ZNF407: variants seen among roughly 807,000 people sequenced by gnomAD.
ZNF407 encodes zinc finger protein 407.
A neutral mutation model predicts 131.2 loss-of-function variants in ZNF407; 17 were observed. That is an observed-to-expected ratio of 0.13 (90% CI 0.09 to 0.19). The LOEUF is 0.19. ZNF407 is among the 10% of genes least tolerant of loss of function. The probability of loss-of-function intolerance (pLI) is 1.00; values close to 1 mark genes in which losing one functional copy is unlikely to be tolerated. For synonymous variants in ZNF407, 1,156 were observed against 1,062.0 expected (o/e 1.09, Z -1.72); for missense variants, 2,681 against 2,830.6 (o/e 0.95, Z 1.20).
At chr18:74,667,645 C>T (rs949936136) in intron 3 of ZNF407, among the ~76,000 whole-genome samples, 1 of 152,164 alleles carries the variant, frequency 6.6e-6, no homozygotes, top group Non-Finnish European at 1.5e-5. Flanking sequence ...GCTTGTAGCT[C>T]ATTGAGGCCG....
At chr18:74,948,341 C>T (rs1972177545) in intron 8 of ZNF407, among the ~76,000 whole-genome samples, 1 of 152,174 alleles carries the variant, frequency 6.6e-6, no homozygotes, top group Non-Finnish European at 1.5e-5. Context: ...TGACATTCAC[C>T]TGAGCTTAGT....
chr18:75,026,827 G>A (rs149069910), intron 8 of ZNF407, among the ~76,000 whole-genome samples: 3 of 152,276 alleles, frequency 2.0e-5, no homozygotes, highest in Non-Finnish European at 4.4e-5. Flanking sequence ...AGAACCTCGT[G>A]CCCTCAGCCC....
At chr18:74,968,032 AT>A (rs1430764044) in intron 8 of ZNF407, among the ~76,000 whole-genome samples, 1 of 152,034 alleles carries the variant, frequency 6.6e-6, no homozygotes, top group Non-Finnish European at 1.5e-5. Flanking sequence ...CTACACTTAA[AT>A]TATCTAGGGG....
At chr18:75,013,957 T>G (rs1048864223) in intron 8 of ZNF407, among the ~76,000 whole-genome samples, 1 of 152,142 alleles carries the variant, frequency 6.6e-6, no homozygotes, top group Non-Finnish European at 1.5e-5. Flanking sequence ...ATTCACTACA[T>G]TTCTGTCACC....
intron 1 of ZNF407, among the ~76,000 whole-genome samples, chr18:74,605,732 T>G (rs1005709483): frequency 3.9e-5 from 6 of 152,202 alleles, no homozygotes; most frequent in African/African-American, 1.4e-4. Flanking sequence ...AAACCACATT[T>G]TTTTAAACTT....
In ZNF407 at chr18:74,634,878, C is replaced by G; in HGVS notation, c.3859C>G (p.Arg1287Gly). 1.2e-6 allele frequency: 2 copies of G among 1,613,398 alleles called. No homozygotes were observed. Among genetic ancestry groups the G allele is most frequent in the Non-Finnish European group, 1.7e-6 (2 of 1,179,602 alleles). Residue 1287 changes from arginine to glycine, a missense_variant, in exon 2 of 9, where the codon CGT becomes GGT. This residue lies in a region of ZNF407 where 1,789 missense variants were observed against 1,748.7 expected (regional missense o/e 1.02). Coordinates refer to ENST00000299687, the MANE Select transcript of ZNF407 (RefSeq NM_017757.3). ...LESGGQNRVA[R>G]GHGLEDLKGV... is the part of the protein sequence containing the mutation. ...GAGCGGGGGTCAGAACAGAGTTGCA[C>G]GTGGGCATGGTTTGGAAGACTTGAA... is the stretch of plus-strand genomic sequence containing the variant.
chr18:74,857,967 C>A (rs1204170606), intron 4 of ZNF407, among the ~76,000 whole-genome samples: 1 of 132,718 alleles, frequency 7.5e-6, no homozygotes. Context: ...CTTCCTGACT[C>A]CCTTTGCTTC....
At position 74,909,478 on chromosome 18, in the gene ZNF407, C is replaced by A. The variant is rs556009055; in HGVS notation, c.5250-11036C>A. Among the ~76,000 whole-genome samples the A allele has an allele frequency of 1.1e-3, 168 of 152,152 alleles. 1 individual carries two copies. The highest frequency in any genetic ancestry group is 3.7e-3 in the African/African-American group (153 of 41,546). On this transcript the variant is annotated intron_variant, in intron 7 of 8. Transcript: ENST00000299687. ...TTCTGTAGTCAAAAAATTTGAGAAG[C>A]AAAATGTTAAGCAAAACTAAGCGTA...
intron 1 of ZNF407, among the ~76,000 whole-genome samples, chr18:74,621,728 G>A (rs900171841): frequency 3.9e-5 from 6 of 152,178 alleles, no homozygotes; most frequent in Non-Finnish European, 7.3e-5. Context: ...AAACAGCTCC[G>A]TACTCAAGAG....
chr18:74,645,731 C>T (rs114573277), intron 3 of ZNF407, among the ~76,000 whole-genome samples: 22 of 151,730 alleles, frequency 1.4e-4, no homozygotes, highest in African/African-American at 5.3e-4. Flanking sequence ...ATTATAATGT[C>T]ACTTTCTGAC....
At chr18:74,928,616 A>G (rs991862335) in intron 8 of ZNF407, among the ~76,000 whole-genome samples, 7 of 152,226 alleles carry the variant, frequency 4.6e-5, no homozygotes, top group East Asian at 1.9e-4. Flanking sequence ...AAGACCTGCT[A>G]TCTGTCATGT....
intron 4 of ZNF407, among the ~76,000 whole-genome samples, chr18:74,859,178 G>C (rs527334031): frequency 1.3e-5 from 2 of 152,128 alleles, no homozygotes; most frequent in Non-Finnish European, 2.9e-5. Context: ...GTCTGGGTAC[G>C]CATGTTGAAA....
At chr18:74,717,010 A>G (rs1264605289) in intron 3 of ZNF407, among the ~76,000 whole-genome samples, 2 of 152,202 alleles carry the variant, frequency 1.3e-5, no homozygotes, top group African/African-American at 4.8e-5. Context: ...AGTGTGGTAT[A>G]GTATGTGTTG....
chr18:74,836,314 AC>A (rs1970559203), intron 4 of ZNF407, among the ~76,000 whole-genome samples: 1 of 151,996 alleles, frequency 6.6e-6, no homozygotes, highest in East Asian at 1.9e-4. Flanking sequence ...TATAACAGTT[AC>A]CTTTATTTAC....
At chr18:75,051,441 T>G (rs769243370) in intron 8 of ZNF407, among the ~76,000 whole-genome samples, 97 of 152,338 alleles carry the variant, frequency 6.4e-4, no homozygotes, top group Non-Finnish European at 1.2e-3. Context: ...ATTATAGTAC[T>G]AAGTGAAATA....
At chr18:74,817,333 A>G (rs763694349) in intron 4 of ZNF407, among the ~76,000 whole-genome samples, 18 of 152,342 alleles carry the variant, frequency 1.2e-4, no homozygotes, top group Non-Finnish European at 2.6e-4. Flanking sequence ...AATACAAAAC[A>G]TAATTACAAT....
chr18:74,787,521 G>A (rs754994901), intron 4 of ZNF407, among the ~76,000 whole-genome samples: 1 of 152,170 alleles, frequency 6.6e-6, no homozygotes, highest in Non-Finnish European at 1.5e-5. Flanking sequence ...GCTCCTCTGC[G>A]GGGTGGAGAG....
At chr18:75,010,000 T>C (rs1052725577) in intron 8 of ZNF407, among the ~76,000 whole-genome samples, 1 of 152,190 alleles carries the variant, frequency 6.6e-6, no homozygotes, top group African/African-American at 2.4e-5. Context: ...ATATCTTGGA[T>C]TGGAAAGGGT....
intron 4 of ZNF407, among the ~76,000 whole-genome samples, chr18:74,817,146 T>A (rs1970278423): frequency 6.6e-6 from 1 of 152,168 alleles, no homozygotes; most frequent in Non-Finnish European, 1.5e-5. Context: ...ACAGCTCAAG[T>A]AGGGATATCA....
Sources: allele counts gnomAD v4.1 joint callset (sites outside exome capture counted in the v4.1 genomes callset), GRCh38; gene constraint gnomAD v4.1.1; regional missense constraint gnomAD v4.1.1; transcripts MANE v1.5; gene names NCBI Gene and HGNC (gene_info 2026-07-23, HGNC 2026-07-21).